IL1RAPL2: variants seen among roughly 807,000 people sequenced by gnomAD.
IL1RAPL2 encodes the protein interleukin 1 receptor accessory protein like 2.
A neutral mutation model predicts 44.1 loss-of-function variants in IL1RAPL2; 3 were observed. The ratio of observed to expected loss-of-function variants is 0.07; its 90% confidence interval spans 0.03 to 0.18. IL1RAPL2 has a LOEUF of 0.18. IL1RAPL2 is among the 10% of genes least tolerant of loss of function. IL1RAPL2 has a pLI of 1.00. For missense variants in IL1RAPL2, 391 were observed against 496.4 expected, an observed-to-expected ratio of 0.79 and a Z score of 2.02; for synonymous variants, 181 against 178.8, an observed-to-expected ratio of 1.01 and a Z score of -0.10.
intron 6 of IL1RAPL2, among the ~76,000 whole-genome samples, chrX:105,518,929 A>G (rs745308998): frequency 9.0e-6 from 1 of 110,875 alleles, no homozygotes; most frequent in Admixed American, 9.6e-5. Context: ...CCAAGCATCT[A>G]TACAACTTTC....
At chrX:105,430,413 A>G (rs1453787014) in intron 5 of IL1RAPL2, among the ~76,000 whole-genome samples, 1 of 111,663 alleles carries the variant, frequency 9.0e-6, no homozygotes, top group Admixed American at 9.5e-5. Flanking sequence ...ATCCCTTAAT[A>G]AGCTAGCCTT....
At chrX:104,871,360 T>A (rs190579032) in intron 2 of IL1RAPL2, among the ~76,000 whole-genome samples, 69 of 111,757 alleles carry the variant, frequency 6.2e-4, no homozygotes, top group African/African-American at 2.1e-3. Flanking sequence ...ATTTTTCTAT[T>A]GTCACATGAT....
intron 7 of IL1RAPL2, among the ~76,000 whole-genome samples, chrX:105,729,132 G>A (rs2038378499): frequency 9.0e-6 from 1 of 111,150 alleles, no homozygotes; most frequent in African/African-American, 3.3e-5. Context: ...TTTACCTATT[G>A]ATTGACATAT....
chrX:105,403,716 A>C (rs2035622212), intron 5 of IL1RAPL2, among the ~76,000 whole-genome samples: 1 of 111,523 alleles, frequency 9.0e-6, no homozygotes. Flanking sequence ...AGAGTGGTTC[A>C]GGTTCAAACT....
At chrX:105,542,691 TTTTATTTATTTA>T (rs1225259466) in intron 6 of IL1RAPL2, among the ~76,000 whole-genome samples, 8 of 96,153 alleles carry the variant, frequency 8.3e-5, no homozygotes, top group Non-Finnish European at 1.2e-4. Context: ...TTTTTATATT[TTTTATTTATTTA>T]TTTATTTATT....
At chrX:104,903,291 A>T (rs1345406781) in intron 2 of IL1RAPL2, among the ~76,000 whole-genome samples, 1 of 112,129 alleles carries the variant, frequency 8.9e-6, no homozygotes, top group Admixed American at 9.5e-5. Flanking sequence ...CATTTTATAT[A>T]TGTTGGTCAG....
intron 2 of IL1RAPL2, among the ~76,000 whole-genome samples, chrX:104,896,123 A>G (rs1282906751): frequency 9.0e-6 from 1 of 111,373 alleles, no homozygotes; most frequent in Non-Finnish European, 1.9e-5. Flanking sequence ...ACACCTTTCA[A>G]ACTCTTATAC....
chrX:105,590,834 T>C lies in IL1RAPL2; in HGVS notation c.772+106447T>C, dbSNP rs78101369. On this transcript the variant is annotated intron_variant, in intron 6 of 10. Coordinates refer to ENST00000372582, the MANE Select transcript of IL1RAPL2 (RefSeq NM_017416.2). ...GAATTTGTGTGTGTGTGTGTGTGTGTGTGTGTGTGTGTGTTTGTGTGTGTT... is the reference window on the plus strand; with the variant it reads ...GAATTTGTGTGTGTGTGTGTGTGTGCGTGTGTGTGTGTGTTTGTGTGTGTT... Among the ~76,000 whole-genome samples the C allele has an allele frequency of 1.6e-3, 126 of 80,098 alleles. 1 individual carries two copies. The highest frequency in any genetic ancestry group is 6.1e-3 in the African/African-American group (113 of 18,580). The allele number at this position is 80,098 out of a possible 115,157, so 69.6% of individuals were successfully genotyped here.
At chrX:105,273,501 C>T (rs1206711369) in intron 5 of IL1RAPL2, among the ~76,000 whole-genome samples, 1 of 112,070 alleles carries the variant, frequency 8.9e-6, no homozygotes, top group Non-Finnish European at 1.9e-5. Flanking sequence ...AGTTATTTGA[C>T]CTACCTTGTT....
intron 2 of IL1RAPL2, among the ~76,000 whole-genome samples, chrX:104,681,423 A>G (rs986222815): frequency 5.3e-4 from 59 of 112,051 alleles, no homozygotes; most frequent in African/African-American, 1.9e-3. Context: ...CTGTGGGAAG[A>G]ATGCAAATCA....
chrX:104,939,329 T>A (rs1309075524), intron 2 of IL1RAPL2, among the ~76,000 whole-genome samples: 1 of 111,667 alleles, frequency 9.0e-6, no homozygotes, highest in Non-Finnish European at 1.9e-5. Context: ...AGTGCTGGGA[T>A]TACAGGCATG....
chrX:105,193,359 GTTTAT>G (rs1352012159), intron 2 of IL1RAPL2, among the ~76,000 whole-genome samples: 5 of 111,358 alleles, frequency 4.5e-5, no homozygotes, highest in Non-Finnish European at 3.8e-5. Flanking sequence ...TTCCCGTGGG[GTTTAT>G]TTTGTTTCTA....
intron 3 of IL1RAPL2, chrX:105,220,017 G>A: frequency 8.3e-7 from 1 of 1,210,760 alleles, no homozygotes; most frequent in Non-Finnish European, 1.1e-6. Context: ...TTCTTAGCCG[G>A]GAGGCCGCCT....
chrX:105,381,053 C>T (rs1334694616), intron 5 of IL1RAPL2, among the ~76,000 whole-genome samples: 2 of 110,504 alleles, frequency 1.8e-5, no homozygotes, highest in African/African-American at 3.3e-5. Flanking sequence ...GAGTAATGAA[C>T]AAGACAGAGA....
Position 105,353,488 on chromosome X carries a change from T to C in IL1RAPL2, c.697+85947T>C, listed in dbSNP as rs1359614871. On this transcript the variant is annotated intron_variant, in intron 5 of 10. Transcript: ENST00000372582. Reference sequence around the variant, plus strand: ...GTGAAGAAAGTCATTGGAAGCTTGATGGGGATAGCATTGAATCTATAAATT... The same window carrying C: ...GTGAAGAAAGTCATTGGAAGCTTGACGGGGATAGCATTGAATCTATAAATT... Among the ~76,000 whole-genome samples, 3 of 111,824 alleles carry C rather than the reference T, an allele frequency of 2.7e-5. No individual in the cohort carries two copies. In the East Asian group the frequency reaches 8.5e-4, roughly 32 times the overall value.
intron 2 of IL1RAPL2, among the ~76,000 whole-genome samples, chrX:105,037,781 G>T (rs1327694555): frequency 1.8e-5 from 2 of 111,720 alleles, no homozygotes; most frequent in Admixed American, 9.6e-5. Flanking sequence ...AACTCATCAA[G>T]CTCTTTTTCT....
At chrX:104,590,525 C>T (rs1214765813) in intron 1 of IL1RAPL2, among the ~76,000 whole-genome samples, 1 of 112,084 alleles carries the variant, frequency 8.9e-6, no homozygotes, top group Non-Finnish European at 1.9e-5. Context: ...CTTTCTTCCC[C>T]TATCTAAATA....
chrX:105,185,951 C>A (rs997139838), intron 2 of IL1RAPL2, among the ~76,000 whole-genome samples: 1 of 111,490 alleles, frequency 9.0e-6, no homozygotes, highest in Admixed American at 9.6e-5. Flanking sequence ...TTCAACTAAG[C>A]ATGGATCAAA....
intron 6 of IL1RAPL2, among the ~76,000 whole-genome samples, chrX:105,490,194 A>T (rs2147778420): frequency 9.0e-6 from 1 of 111,572 alleles, no homozygotes; most frequent in East Asian, 2.8e-4. Flanking sequence ...CAGAAAATAC[A>T]TATAAACATT....
Sources: allele counts gnomAD v4.1 joint callset (sites outside exome capture counted in the v4.1 genomes callset), GRCh38; gene constraint gnomAD v4.1.1; transcripts MANE v1.5; gene names NCBI Gene and HGNC (gene_info 2026-07-23, HGNC 2026-07-21).